PKLR: variants seen among roughly 807,000 people sequenced by gnomAD.
PKLR encodes the protein pyruvate kinase PKLR.
In PKLR, 38 loss-of-function variants were observed where a neutral mutation model predicts 53.6. The ratio of observed to expected loss-of-function variants is 0.71; its 90% CI spans 0.55 to 0.93. PKLR has a LOEUF of 0.93. PKLR is among the 40% of genes least tolerant of loss of function. The pLI, the probability that PKLR is intolerant of heterozygous loss-of-function variation, is 0.00. For missense variants in PKLR, 702 were observed against 787.3 expected, an observed-to-expected ratio of 0.89 and a Z score of 1.30; for synonymous variants, 328 against 316.2, an observed-to-expected ratio of 1.04 and a Z score of -0.39.
intron 2 of PKLR, among the ~76,000 whole-genome samples, chr1:155,296,299 A>G (rs1195799661): frequency 5.3e-5 from 8 of 152,000 alleles, no homozygotes; most frequent in African/African-American, 1.7e-4. Context: ...AAATTAAGCC[A>G]TTCTGTGGTC....
At chr1:155,301,152 CG>C in intron 1 of PKLR, 143 bp downstream of exon 1, 1 of 1,327,990 alleles carries the variant, frequency 7.5e-7, no homozygotes, top group East Asian at 2.5e-5. Context: ...ATTTAACACA[CG>C]GGAGGCTCTG....
intron 10 of PKLR, 82 bp from the exon 11 acceptor site, chr1:155,290,760 A>T: frequency 1.2e-6 from 1 of 845,468 alleles, no homozygotes; most frequent in South Asian, 1.4e-5. Context: ...AAGCCAAGGC[A>T]GGAGGATCAC....
chr1:155,308,462 G>A, the PKLR span: 5 of 710,048 alleles, frequency 7.0e-6, no homozygotes, highest in African/African-American at 9.6e-5. Flanking sequence ...CTAGTTTCAA[G>A]CAAGTTCACT....
At chr1:155,301,067 G>C (rs1647968750) in intron 1 of PKLR, 1 of 1,527,432 alleles carries the variant, frequency 6.5e-7, no homozygotes, top group Non-Finnish European at 8.8e-7. Flanking sequence ...GGAACCACGG[G>C]AGTGCCCCGT....
chr1:155,291,565 G>T (rs772381914), intron 10 of PKLR, among the ~76,000 whole-genome samples, 191 bp downstream of exon 10: 1 of 152,094 alleles, frequency 6.6e-6, no homozygotes, highest in Non-Finnish European at 1.5e-5. Context: ...ACGGCCGTCT[G>T]CCTGTGTGGC....
intron 7 of PKLR, 116 bp downstream of exon 7, chr1:155,294,119 T>A: frequency 8.4e-7 from 1 of 1,196,670 alleles, no homozygotes; most frequent in Non-Finnish European, 1.2e-6. Context: ...GATGACAGAG[T>A]GAGACTCCGT....
chr1:155,294,155 A>G, intron 7 of PKLR, 80 bp downstream of exon 7: 1 of 1,481,160 alleles, frequency 6.8e-7, no homozygotes, highest in East Asian at 2.3e-5. Flanking sequence ...AAAACAAAAT[A>G]AACCCCTACA....
chr1:155,295,171 C>T lies in PKLR; in HGVS notation c.639G>A (p.Val213=), dbSNP rs750102822. The change falls in exon 5 of 11, where the codon GTG becomes GTA. Residue 213 remains valine (V), a synonymous_variant. Coordinates refer to ENST00000342741, the MANE Select transcript of PKLR (RefSeq NM_000298.6). The surrounding 1 kb of genome is among the most constrained non-coding windows in gnomAD (Gnocchi z 4.3). The part of the protein sequence containing the change: ...DYPNIVRVVP[V]GGRIYIDDGL... ...CGTCGTCAATGTAGATGCGGCCCCC[C>T]ACCGGCACGACCCGGACAATATTGG... is the stretch of plus-strand genomic sequence containing the variant. 1.2e-6 allele frequency: 2 copies of T among 1,614,152 alleles called. No individual in the cohort carries two copies. Among genetic ancestry groups the T allele is most frequent in the East Asian group, 2.2e-5 (1 of 44,882 alleles).
chr1:155,297,532 G>A (rs1312601722), intron 2 of PKLR, among the ~76,000 whole-genome samples: 1 of 151,988 alleles, frequency 6.6e-6, no homozygotes, highest in African/African-American at 2.4e-5. Context: ...CCTCACTGCC[G>A]CCAACTGGTC....
Position 155,301,401 on chromosome 1 carries a change from C to G in PKLR, c.-6G>C. On this transcript the variant is annotated 5_prime_UTR_variant, in exon 1 of 11. Transcript: ENST00000342741. Reference sequence around the variant, plus strand: ...ATGTTCTCCTGGATCGACATGCTTTCAGTGTGGGCCTGGGGCTGCGGGACC... The same window carrying G: ...ATGTTCTCCTGGATCGACATGCTTTGAGTGTGGGCCTGGGGCTGCGGGACC... 1 of 1,614,044 alleles carries G rather than the reference C, an allele frequency of 6.2e-7. No individual in the cohort carries two copies. The highest frequency in any genetic ancestry group is 1.7e-4 in the Middle Eastern group (1 of 6,060).
At chr1:155,291,488 C>T (rs1170990338) in intron 10 of PKLR, among the ~76,000 whole-genome samples, 1 of 151,036 alleles carries the variant, frequency 6.6e-6, no homozygotes, top group Non-Finnish European at 1.5e-5. Context: ...GAGCAAGACT[C>T]TCTCTCAAAA....
chr1:155,293,490 C>T lies in PKLR; in HGVS notation c.1217G>A (p.Gly406Glu), dbSNP rs779817999. The change falls in exon 8 of 11, where the codon GGG (glycine) becomes GAG (glutamate). Residue 406 changes from glycine to glutamate, a missense_variant. By Grantham distance (98) the Gly-to-Glu change is moderately conservative. This residue lies in a region of PKLR where 183 missense variants were observed against 250.2 expected (regional missense o/e 0.73). Transcript: ENST00000342741. This position sits in a 1 kb window ranked among gnomAD's most constrained non-coding sequence, Gnocchi z 4.2. ...LDGADCIMLS[G>E]ETAKGNFPVE... ...AGGGAAGTTGCCCTTGGCAGTCTCCCCTGACAGCATGATGCAGTCAGCCCC... is the reference window on the plus strand; with the variant it reads ...AGGGAAGTTGCCCTTGGCAGTCTCCTCTGACAGCATGATGCAGTCAGCCCC... The T allele has an allele frequency of 1.1e-5, 17 of 1,614,122 alleles. No individual in the cohort carries two copies. Among genetic ancestry groups the T allele is most frequent in the South Asian group, 3.3e-5 (3 of 91,088 alleles).
chr1:155,301,498 CACCCAG>C, upstream of PKLR: 1 of 1,510,082 alleles, frequency 6.6e-7, no homozygotes, highest in Non-Finnish European at 9.1e-7. Context: ...AAAAGGGGCA[CACCCAG>C]TAGGCCACCC....
rs374872771 is a variant in PKLR at position 155,295,342 on chromosome 1, G to A, written c.508-40C>T. ...AGAGGAGATGTGAGTTCTGAGCCCC[G>A]GAGTCCGGGACCCGCCCCTGCCCAC... On this transcript the variant is annotated intron_variant, in intron 4 of 10. Coordinates refer to ENST00000342741, the MANE Select transcript of PKLR (RefSeq NM_000298.6). This position sits in a 1 kb window ranked among gnomAD's most constrained non-coding sequence, Gnocchi z 4.3. The A allele has an allele frequency of 6.2e-7, 1 of 1,613,190 alleles. No homozygotes were observed. The highest frequency in any genetic ancestry group is 8.5e-7 in the Non-Finnish European group (1 of 1,179,488).
In PKLR at chr1:155,298,643, AAAAC is replaced by A. The variant is rs753350182; in HGVS notation, c.283+1451_283+1454del. 1.1e-4 allele frequency among the ~76,000 whole-genome samples: 16 copies of A among 144,442 alleles called. No individual in the cohort carries two copies. In the East Asian group the frequency reaches 1.5e-3, roughly 13 times the overall value. The allele number at this position is 144,442 out of a possible 152,430, so 94.8% of individuals were successfully genotyped here. On this transcript the variant is annotated intron_variant, in intron 2 of 10. Transcript: ENST00000342741. Reference sequence around the variant, plus strand: ...CGCCCAGCTTTTTTTTCTTTTTTTAAAAACAAACAAACAAACAAACAGAGTTTCG... The same window carrying A: ...CGCCCAGCTTTTTTTTCTTTTTTTAAAAACAAACAAACAAACAGAGTTTCG...
At position 155,295,059 on chromosome 1, in the gene PKLR, G is replaced by A; in HGVS notation, c.694+57C>T. The A allele has an allele frequency of 1.9e-6, 3 of 1,578,612 alleles. No homozygotes were observed. Among genetic ancestry groups the A allele is most frequent in the Non-Finnish European group, 8.7e-7 (1 of 1,153,250 alleles). Reference sequence around the variant, plus strand: ...GTCTGAGGGCTGATGGGGGAGCCAAGGAGAAGGGAATGTGCCCAGCGCACG... The same window carrying A: ...GTCTGAGGGCTGATGGGGGAGCCAAAGAGAAGGGAATGTGCCCAGCGCACG... On this transcript the variant is annotated intron_variant, in intron 5 of 10. Transcript: ENST00000342741. This position sits in a 1 kb window ranked among gnomAD's most constrained non-coding sequence, Gnocchi z 4.3.
chr1:155,300,072 G>A (rs377494351), intron 2 of PKLR, 26 bp downstream of exon 2: 2 of 1,603,114 alleles, frequency 1.2e-6, no homozygotes, highest in Non-Finnish European at 1.7e-6. Context: ...GGCCCTGTGT[G>A]GCTGCAGGGG....
chr1:155,301,935 A>C (rs1227340591), upstream of PKLR, among the ~76,000 whole-genome samples: 1 of 151,800 alleles, frequency 6.6e-6, no homozygotes, highest in Non-Finnish European at 1.5e-5. Context: ...GACACTGATA[A>C]ACTTGATTAG....
intron 1 of PKLR, chr1:155,300,904 C>G: frequency 6.2e-7 from 1 of 1,609,014 alleles, no homozygotes; most frequent in Non-Finnish European, 8.5e-7. Flanking sequence ...GCACACCTCT[C>G]TGGGTCTCCC....
Sources: allele counts gnomAD v4.1 joint callset (sites outside exome capture counted in the v4.1 genomes callset), GRCh38; gene constraint gnomAD v4.1.1; regional missense constraint gnomAD v4.1.1; non-coding constraint Gnocchi (gnomAD v3.1); transcripts MANE v1.5; gene names NCBI Gene and HGNC (gene_info 2026-07-23, HGNC 2026-07-21).